Variants in XRCC2 observed in about 807,000 individuals in gnomAD.
XRCC2 encodes X-ray repair cross complementing 2.
A neutral mutation model predicts 27.3 loss-of-function variants in XRCC2; 24 were observed. The ratio of observed to expected loss-of-function variants is 0.88; its 90% CI spans 0.64 to 1.24. The LOEUF (loss-of-function observed/expected upper bound fraction) is 1.24. Among genes scored for constraint, XRCC2 ranks in the 50% most tolerant of loss-of-function variants. The pLI is 0.00. For missense variants in XRCC2, 321 were observed against 325.8 expected (o/e 0.99, Z 0.11); for synonymous variants, 106 against 115.4 (o/e 0.92, Z 0.52).
chr7:152,668,563 T>C (rs1289130008), intron 1 of XRCC2, among the ~76,000 whole-genome samples: 1 of 152,222 alleles, frequency 6.6e-6, no homozygotes, highest in Non-Finnish European at 1.5e-5. Flanking sequence ...AAGTAAATTC[T>C]GCTTGACATG....
At chr7:152,666,336 T>C (rs1485344048) in intron 1 of XRCC2, among the ~76,000 whole-genome samples, 3 of 152,036 alleles carry the variant, frequency 2.0e-5, no homozygotes, top group Non-Finnish European at 4.4e-5. Context: ...ATCAGCCTCC[T>C]GAGTAGCTGG....
intron 2 of XRCC2, among the ~76,000 whole-genome samples, chr7:152,659,769 A>G (rs1180327930): frequency 6.6e-6 from 1 of 151,024 alleles, no homozygotes; most frequent in East Asian, 1.9e-4. Flanking sequence ...GAATTGCCAT[A>G]TGACCTAGCA....
rs753238374 is a variant in XRCC2, at chr7:152,649,099, G to GT, written c.385dup (p.Thr129AsnfsTer11). The GT allele has an allele frequency of 6.2e-7, 1 of 1,614,158 alleles. No homozygotes were observed. Among genetic ancestry groups the GT allele is most frequent in the Non-Finnish European group, 8.5e-7 (1 of 1,180,042 alleles). On this transcript the variant is annotated frameshift_variant, in exon 3 of 3. Transcript: ENST00000359321. LOFTEE classifies it high-confidence loss of function. ...AAACATACTTTCTAGTGAGTAAAGTGTAAGAAGTAAGTGGGTGCTACTACT... is the reference window on the plus strand; with the variant it reads ...AAACATACTTTCTAGTGAGTAAAGTGTTAAGAAGTAAGTGGGTGCTACTACT...
intron 1 of XRCC2, among the ~76,000 whole-genome samples, chr7:152,673,431 T>C (rs900155688): frequency 4.6e-5 from 7 of 152,126 alleles, no homozygotes; most frequent in African/African-American, 7.2e-5. Flanking sequence ...TCCCAAAGTG[T>C]TGGGATTACG....
At chr7:152,666,078 A>G (rs1490386134) in intron 1 of XRCC2, among the ~76,000 whole-genome samples, 2 of 15,418 alleles carry the variant, frequency 1.3e-4, no homozygotes, top group African/African-American at 3.9e-4. Context: ...TTAGAAAAAT[A>G]CAGCTTTTTT....
In XRCC2 at chr7:152,646,057, CTGCTGT is replaced by C. The variant is rs2098025703; in HGVS notation, c.*2579_*2584del. The C allele has an allele frequency of 6.6e-6, 1 of 152,140 alleles. No homozygotes were observed. The highest frequency in any genetic ancestry group is 2.1e-4 in the South Asian group (1 of 4,818). The allele number at this position is 152,140 out of a possible 1,614,324, so 9.4% of individuals were successfully genotyped here. On this transcript the variant is annotated 3_prime_UTR_variant, in exon 3 of 3. Transcript: ENST00000359321. Reference sequence around the variant, plus strand: ...ATCTCCTCTGTGCTTTGGATCTGTCCTGCTGTATTCGGTTCTTTTAAATTTAAAAAT... The same window carrying C: ...ATCTCCTCTGTGCTTTGGATCTGTCCATTCGGTTCTTTTAAATTTAAAAAT...
chr7:152,658,942 A>G (rs2116997898), intron 2 of XRCC2, among the ~76,000 whole-genome samples: 1 of 152,256 alleles, frequency 6.6e-6, no homozygotes, highest in South Asian at 2.1e-4. Flanking sequence ...GAGTGTGCAA[A>G]TATTTCTCCA....
At chr7:152,668,234 C>T (rs989387637) in intron 1 of XRCC2, among the ~76,000 whole-genome samples, 1 of 152,036 alleles carries the variant, frequency 6.6e-6, no homozygotes, top group Non-Finnish European at 1.5e-5. Flanking sequence ...CCTGTTCTGT[C>T]CCACGTGGGA....
At chr7:152,669,865 A>C (rs1409433701) in intron 1 of XRCC2, among the ~76,000 whole-genome samples, 1 of 151,684 alleles carries the variant, frequency 6.6e-6, no homozygotes, top group Non-Finnish European at 1.5e-5. Context: ...CGGGAGGCCG[A>C]GGTGAAAGGA....
intron 1 of XRCC2, among the ~76,000 whole-genome samples, chr7:152,675,442 AC>A (rs2098040487): frequency 6.6e-6 from 1 of 152,142 alleles, no homozygotes; most frequent in Admixed American, 6.6e-5. Context: ...CACGTAGTTG[AC>A]ACACAGTAAG....
At chr7:152,668,767 G>C (rs2098036993) in intron 1 of XRCC2, among the ~76,000 whole-genome samples, 1 of 152,218 alleles carries the variant, frequency 6.6e-6, no homozygotes, top group Non-Finnish European at 1.5e-5. Context: ...TGAGTCAATA[G>C]ATTTGATACT....
chr7:152,666,410 C>A (rs929290030), intron 1 of XRCC2, among the ~76,000 whole-genome samples: 2 of 152,020 alleles, frequency 1.3e-5, no homozygotes, highest in Non-Finnish European at 2.9e-5. Flanking sequence ...CAGGGTCTCC[C>A]TATGTTGTCC....
chr7:152,675,897 G>A, intron 1 of XRCC2, 144 bp downstream of exon 1: 1 of 1,060,482 alleles, frequency 9.4e-7, no homozygotes, highest in Admixed American at 2.1e-5. Context: ...TGCCAGCATC[G>A]CGGGCGTCTA....
Position 152,660,692 on chromosome 7 carries a change from A to AT in XRCC2, c.121+8dup, listed in dbSNP as rs1064794394. ...TTGCATTTATTTATATAAAGGTTGT[A>AT]TTTTTTACCATGCACAGGTGAATCT... On this transcript the variant is annotated intron_variant, in intron 2 of 2. Coordinates refer to ENST00000359321, the MANE Select transcript of XRCC2 (RefSeq NM_005431.2). 14 of 1,601,630 alleles carry AT rather than the reference A, an allele frequency of 8.7e-6. No homozygotes were observed. Among genetic ancestry groups the AT allele is most frequent in the South Asian group, 2.3e-5 (2 of 88,122 alleles).
At position 152,654,358 on chromosome 7, in the gene XRCC2, T is replaced by C. The variant is rs554966611; in HGVS notation, c.122-4995A>G. ...TAAGGCCAAAACTAAATTTTTGAGA[T>C]ATATCCACAGTTAGAAGACGCATTA... On this transcript the variant is annotated intron_variant, in intron 2 of 2. Coordinates refer to ENST00000359321, the MANE Select transcript of XRCC2 (RefSeq NM_005431.2). Among the ~76,000 whole-genome samples, 3 of 152,202 alleles carry C rather than the reference T, an allele frequency of 2.0e-5. No individual in the cohort carries two copies. The East Asian group carries it at 5.8e-4, about 29-fold the overall frequency.
chr7:152,666,351 A>T (rs948933395), intron 1 of XRCC2, among the ~76,000 whole-genome samples: 10 of 152,084 alleles, frequency 6.6e-5, no homozygotes. Context: ...AGCTGGGACC[A>T]CAGGTGTGTG....
Position 152,648,633 on chromosome 7 carries a change from T to C in XRCC2, c.*9A>G, listed in dbSNP as rs756073860. 3.8e-6 allele frequency: 6 copies of C among 1,580,590 alleles called. No homozygotes were observed. The South Asian group carries it at 7.1e-5, about 19-fold the overall frequency. ...TAGTACCCTGCAAAAGACTATTTTA[T>C]GATGTATATCAACAAAATTCAACCC... On this transcript the variant is annotated 3_prime_UTR_variant, in exon 3 of 3. Transcript: ENST00000359321.
intron 2 of XRCC2, among the ~76,000 whole-genome samples, chr7:152,655,237 C>G (rs771604985): frequency 1.1e-4 from 16 of 152,022 alleles, no homozygotes; most frequent in Non-Finnish European, 2.4e-4. Flanking sequence ...AGTTCTGAAT[C>G]TAAAGATCCT....
rs534746330 is a variant in XRCC2 at position 152,648,771 on chromosome 7, C to G, written c.714G>C (p.Arg238Ser). The change falls in exon 3 of 3, where the codon AGG becomes AGC. Residue 238 changes from arginine (R) to serine (S), a missense_variant. Transcript: ENST00000359321. The stretch of plus-strand genomic sequence containing the variant: ...AATCATCTTGTTTGGAGAAAAACAT[C>G]CTGTGCTTCACCAGTTGCTGCCATG... ...CKAWQQLVKHRMFFSKQDDSQ... is the reference protein window; with the variant it reads ...CKAWQQLVKHSMFFSKQDDSQ... 3 of 1,614,158 alleles carry G rather than the reference C, an allele frequency of 1.9e-6. No homozygotes were observed. The highest frequency in any genetic ancestry group is 1.7e-5 in the Admixed American group (1 of 60,010).
Sources: gnomAD v4.1 joint callset for allele counts (sites outside exome capture counted in the v4.1 genomes callset) on GRCh38, gnomAD v4.1.1 for gene constraint, MANE v1.5 for transcripts, NCBI Gene and HGNC (gene_info 2026-07-23, HGNC 2026-07-21) for gene names.